The following DOCK2 variants were observed in gnomAD, a reference collection of about 807,000 sequenced individuals.
DOCK2 encodes the protein dedicator of cytokinesis 2, also known as dedicator of cytokinesis protein 2.
A neutral mutation model predicts 248.9 loss-of-function variants in DOCK2; 87 were observed. The ratio of observed to expected loss-of-function variants is 0.35; its 90% CI spans 0.29 to 0.42. The LOEUF (loss-of-function observed/expected upper bound fraction) is 0.42, where lower values mean the gene tolerates loss of function less well. Ranked by LOEUF, DOCK2 falls within the 10% of genes least tolerant of loss-of-function variation. DOCK2 has a pLI of 1.00. For missense variants in DOCK2, 1,747 were observed against 2,300.2 expected (o/e 0.76, Z 4.92); for synonymous variants, 805 against 821.6 (o/e 0.98, Z 0.35).
In DOCK2 at chr5:169,717,382, A is replaced by G; in HGVS notation, c.2032-2A>G. 6.2e-7 allele frequency: 1 copy of G among 1,613,600 alleles called. No individual in the cohort carries two copies. Among genetic ancestry groups the G allele is most frequent in the Non-Finnish European group, 8.5e-7 (1 of 1,179,554 alleles). ...AATACTGCTGCCTTGCATCTTCCTC[A>G]GATTTACATAATAGGACTCATTGCA... On this transcript the variant is annotated splice_acceptor_variant, in intron 20 of 51. Transcript: ENST00000520908. LOFTEE classifies it high-confidence loss of function.
chr5:169,760,193 C>T (rs901635731), intron 24 of DOCK2, among the ~76,000 whole-genome samples: 3 of 152,148 alleles, frequency 2.0e-5, no homozygotes, highest in Admixed American at 6.5e-5. Flanking sequence ...TTCTTAACTA[C>T]GTTCAGCTCA....
At chr5:169,789,888 T>C (rs1247028386) in intron 25 of DOCK2, among the ~76,000 whole-genome samples, 2 of 150,570 alleles carry the variant, frequency 1.3e-5, no homozygotes, top group Non-Finnish European at 3.0e-5. Context: ...AAAATGGCTG[T>C]GGTTTTTTCC....
At chr5:169,767,802 C>T (rs947043942) in intron 25 of DOCK2, among the ~76,000 whole-genome samples, 10 of 152,164 alleles carry the variant, frequency 6.6e-5, no homozygotes, top group African/African-American at 2.2e-4. Flanking sequence ...TCAGGTATTA[C>T]ATACAGCATA....
chr5:169,874,392 G>T, intron 27 of DOCK2, among the ~76,000 whole-genome samples: 1 of 129,724 alleles, frequency 7.7e-6, no homozygotes, highest in Non-Finnish European at 1.6e-5. Context: ...CAGCCTAGGC[G>T]ACAGTGAGAC....
intron 38 of DOCK2, among the ~76,000 whole-genome samples, chr5:170,043,759 C>T (rs1756598603): frequency 6.6e-6 from 1 of 152,192 alleles, no homozygotes; most frequent in Admixed American, 6.5e-5. Flanking sequence ...TGTTTATCAG[C>T]TGATTAAGTA....
chr5:169,997,944 A>G (rs796226683), intron 30 of DOCK2: 1 of 456,346 alleles, frequency 2.2e-6, no homozygotes, highest in Non-Finnish European at 4.4e-6. Context: ...TCATCTGTAA[A>G]ATGCAACAAC....
intron 27 of DOCK2, among the ~76,000 whole-genome samples, chr5:169,890,562 T>G (rs1030388133): frequency 3.3e-5 from 5 of 152,170 alleles, no homozygotes; most frequent in African/African-American, 9.7e-5. Context: ...GCTTTCTCAG[T>G]AAGGAAAAGG....
intron 1 of DOCK2, 45 bp downstream of exon 1, chr5:169,637,414 G>A (rs995718208): frequency 7.6e-7 from 1 of 1,318,674 alleles, no homozygotes; most frequent in East Asian, 3.1e-5. Flanking sequence ...GACAGGTGGC[G>A]GGAGAGCCGC....
At chr5:170,055,740 G>A (rs1245612025) in intron 42 of DOCK2, among the ~76,000 whole-genome samples, 1 of 152,270 alleles carries the variant, frequency 6.6e-6, no homozygotes, top group Non-Finnish European at 1.5e-5. Context: ...GTGATAGGCA[G>A]GGTGGAGACA....
intron 38 of DOCK2, among the ~76,000 whole-genome samples, chr5:170,045,419 G>GAC (rs1756671669): frequency 6.6e-6 from 1 of 152,168 alleles, no homozygotes; most frequent in South Asian, 2.1e-4. Flanking sequence ...AGGCCCTGGA[G>GAC]ACACACACGG....
At chr5:170,052,455 G>A (rs919801078) in intron 41 of DOCK2, among the ~76,000 whole-genome samples, 5 of 152,212 alleles carry the variant, frequency 3.3e-5, no homozygotes, top group African/African-American at 1.2e-4. Flanking sequence ...GTGCCAGGAG[G>A]CAGGTGCAAA....
At chr5:169,797,504 A>G (rs1766726912) in intron 25 of DOCK2, among the ~76,000 whole-genome samples, 1 of 152,218 alleles carries the variant, frequency 6.6e-6, no homozygotes, top group Non-Finnish European at 1.5e-5. Flanking sequence ...CACATGACAA[A>G]ACTTTCCTAA....
At chr5:169,990,784 T>C (rs1254311433) in intron 29 of DOCK2, among the ~76,000 whole-genome samples, 1 of 152,218 alleles carries the variant, frequency 6.6e-6, no homozygotes, top group Non-Finnish European at 1.5e-5. Flanking sequence ...TTCTCTCCCT[T>C]GGTGAATCTC....
chr5:169,925,445 T>G (rs1775388467), intron 27 of DOCK2, among the ~76,000 whole-genome samples: 1 of 151,908 alleles, frequency 6.6e-6, no homozygotes, highest in Admixed American at 6.6e-5. Context: ...CTGAGCGTGG[T>G]GTTGTGCACC....
At chr5:169,913,875 G>C (rs1159095618) in intron 27 of DOCK2, among the ~76,000 whole-genome samples, 1 of 152,166 alleles carries the variant, frequency 6.6e-6, no homozygotes, top group East Asian at 1.9e-4. Context: ...GAAGCTTAGA[G>C]GACATTATCT....
At chr5:170,077,654 G>A in intron 47 of DOCK2, 56 bp from the exon 48 acceptor site, 2 of 1,601,704 alleles carry the variant, frequency 1.2e-6, no homozygotes, top group South Asian at 1.1e-5. Flanking sequence ...TGACAGGAAG[G>A]CTGGGGCCAC....
At position 169,972,650 on chromosome 5, in the gene DOCK2, CCT is replaced by C. The variant is rs34182942; in HGVS notation, c.2800-10417_2800-10416del. Among the ~76,000 whole-genome samples, 1,295 of 150,556 alleles carry C rather than the reference CCT, an allele frequency of 8.6e-3. 15 individuals carry two copies. Among genetic ancestry groups the C allele is most frequent in the Middle Eastern group, 0.034 (10 of 294 alleles). On this transcript the variant is annotated intron_variant, in intron 27 of 51. Coordinates refer to ENST00000520908, the MANE Select transcript of DOCK2 (RefSeq NM_004946.3). ...TAGATGATAGGTGGATAAAATCTCCCCTGTTAGTCTGAGACCTTCAGTGTGTG... is the reference window on the plus strand; with the variant it reads ...TAGATGATAGGTGGATAAAATCTCCCGTTAGTCTGAGACCTTCAGTGTGTG...
chr5:170,082,076 G>T (rs1325753244), intron 51 of DOCK2, 92 bp downstream of exon 51: 3 of 1,527,934 alleles, frequency 2.0e-6, no homozygotes, highest in African/African-American at 2.7e-5. Context: ...GGTTGTGTGT[G>T]CATATGTGGT....
At position 169,793,485 on chromosome 5, in the gene DOCK2, T is replaced by C. The variant is rs1163644474; in HGVS notation, c.2555-9573T>C. ...TTTTAGGCAAGTTACTGAACCTCTC[T>C]AGGCTTCAGTTCCCTCATCTGTAAA... On this transcript the variant is annotated intron_variant, in intron 25 of 51. Coordinates refer to ENST00000520908, the MANE Select transcript of DOCK2 (RefSeq NM_004946.3). 2.0e-5 allele frequency among the ~76,000 whole-genome samples: 3 copies of C among 152,156 alleles called. 1 individual carries two copies. The highest frequency in any genetic ancestry group is 4.8e-5 in the African/African-American group (2 of 41,432).
Sources: allele counts gnomAD v4.1 joint callset (sites outside exome capture counted in the v4.1 genomes callset), GRCh38; gene constraint gnomAD v4.1.1; transcripts MANE v1.5; gene names NCBI Gene and HGNC (gene_info 2026-07-23, HGNC 2026-07-21).